Variants in UBE2D3 observed in about 807,000 individuals in gnomAD.
The protein encoded by UBE2D3 is ubiquitin conjugating enzyme E2 D3.
UBE2D3 carries 2 observed loss-of-function variants against 22.8 expected under a neutral mutation model. That is an observed-to-expected ratio of 0.09 (90% confidence interval 0.04 to 0.28). The LOEUF is 0.28. Among genes scored for constraint, UBE2D3 ranks in the 10% least tolerant of loss-of-function variants. The pLI is 1.00. For missense variants in UBE2D3, 27 were observed against 182.5 expected, an observed-to-expected ratio of 0.15 and a Z score of 4.91; for synonymous variants, 56 against 60.4, an observed-to-expected ratio of 0.93 and a Z score of 0.34.
At chr4:102,823,502 A>G (rs928332901) in intron 2 of UBE2D3, among the ~76,000 whole-genome samples, 5 of 152,228 alleles carry the variant, frequency 3.3e-5, no homozygotes, top group African/African-American at 1.2e-4. Context: ...AAAAACCCTT[A>G]CGAAAACTTA....
intron 1 of UBE2D3, among the ~76,000 whole-genome samples, chr4:102,866,246 A>G (rs1351884993): frequency 6.6e-6 from 1 of 152,234 alleles, no homozygotes; most frequent in Non-Finnish European, 1.5e-5. Context: ...CTGAATTTCA[A>G]GGCCTCCCAA....
chr4:102,859,758 A>T (rs996869470), intron 1 of UBE2D3, among the ~76,000 whole-genome samples: 7 of 150,984 alleles, frequency 4.6e-5, no homozygotes, highest in Non-Finnish European at 8.9e-5. Context: ...AAGTTCATTG[A>T]TTCTTCCTTC....
At chr4:102,804,281 G>C (rs1726670417) in intron 4 of UBE2D3, among the ~76,000 whole-genome samples, 1 of 152,076 alleles carries the variant, frequency 6.6e-6, no homozygotes, top group Admixed American at 6.5e-5. Flanking sequence ...TCCTGCTTCA[G>C]CTGCCTCAGT....
chr4:102,826,250 G>C (rs990315687), intron 2 of UBE2D3, among the ~76,000 whole-genome samples: 1 of 151,952 alleles, frequency 6.6e-6, no homozygotes, highest in Non-Finnish European at 1.5e-5. Context: ...CCCCTAATTT[G>C]CACCGATTCC....
chr4:102,845,819 T>A (rs1224943198), intron 1 of UBE2D3, among the ~76,000 whole-genome samples: 1 of 152,160 alleles, frequency 6.6e-6, no homozygotes, highest in Non-Finnish European at 1.5e-5. Flanking sequence ...TGAGACAGAG[T>A]CTTGCTCTGT....
chr4:102,848,012 C>T (rs1040593577), intron 1 of UBE2D3, among the ~76,000 whole-genome samples: 2 of 152,154 alleles, frequency 1.3e-5, no homozygotes, highest in Non-Finnish European at 2.9e-5. Flanking sequence ...GCCTACTGCT[C>T]AAGGTCATCG....
At chr4:102,799,331 G>T (rs1725755281) in intron 7 of UBE2D3, 76 bp downstream of exon 7, 3 of 1,105,278 alleles carry the variant, frequency 2.7e-6, no homozygotes, top group Non-Finnish European at 4.0e-6. Context: ...AAGTCTTCTT[G>T]GCACTGTCAC....
At chr4:102,840,470 A>G (rs1166808241) in intron 1 of UBE2D3, among the ~76,000 whole-genome samples, 1 of 152,268 alleles carries the variant, frequency 6.6e-6, no homozygotes, top group Non-Finnish European at 1.5e-5. Context: ...CAGGCACAGA[A>G]TGACAAATAT....
At chr4:102,860,161 T>C (rs945392509) in intron 1 of UBE2D3, among the ~76,000 whole-genome samples, 2 of 148,272 alleles carry the variant, frequency 1.3e-5, no homozygotes, top group South Asian at 2.1e-4. Flanking sequence ...TTTGATTGTT[T>C]AGTGGTTTCT....
chr4:102,825,633 T>C, intron 2 of UBE2D3: 2 of 1,172,594 alleles, frequency 1.7e-6, no homozygotes, highest in South Asian at 1.3e-5. Flanking sequence ...CTAGTTTTTT[T>C]TCAACTTAAA....
intron 1 of UBE2D3, among the ~76,000 whole-genome samples, chr4:102,836,375 G>C (rs1731403547): frequency 6.6e-6 from 1 of 151,990 alleles, no homozygotes; most frequent in African/African-American, 2.4e-5. Context: ...TCGAACTCCT[G>C]ACCTCAGGTG....
rs1725058142 is a variant in UBE2D3, at chr4:102,794,459, A to G, written c.*2956T>C. On this transcript the variant is annotated 3_prime_UTR_variant, in exon 8 of 8. Coordinates refer to ENST00000453744, the MANE Select transcript of UBE2D3 (RefSeq NM_181891.3). ...TTCAGCTATTACAAGTCTTATGCAG[A>G]TGTCACTATTAGACAATATTTAGTG... 2 of 152,142 alleles carry G rather than the reference A, an allele frequency of 1.3e-5. No individual in the cohort carries two copies. The highest frequency in any genetic ancestry group is 1.3e-4 in the Admixed American group (2 of 15,252). The allele number at this position is 152,142 out of a possible 1,614,324, so 9.4% of individuals were successfully genotyped here.
chr4:102,865,491 C>CAAA (rs10604973), intron 1 of UBE2D3, among the ~76,000 whole-genome samples: 3 of 66,730 alleles, frequency 4.5e-5, no homozygotes, highest in Admixed American at 1.5e-4. Flanking sequence ...CTGTCTCAAC[C>CAAA]AAAAAAAAAA....
At chr4:102,833,116 T>G (rs970646994) in intron 1 of UBE2D3, among the ~76,000 whole-genome samples, 1 of 150,216 alleles carries the variant, frequency 6.7e-6, no homozygotes, top group Non-Finnish European at 1.5e-5. Context: ...AACTAAAGTT[T>G]ACATAACATT....
chr4:102,831,154 G>A (rs1731095804), upstream of UBE2D3, among the ~76,000 whole-genome samples: 2 of 152,128 alleles, frequency 1.3e-5, no homozygotes, highest in South Asian at 4.1e-4. Context: ...TAATTAAATT[G>A]TAAATGCTAC....
At chr4:102,860,404 G>GGTGTGT (rs540255423) in intron 1 of UBE2D3, among the ~76,000 whole-genome samples, 24 of 122,840 alleles carry the variant, frequency 2.0e-4, no homozygotes, top group African/African-American at 7.4e-4. Flanking sequence ...ATGTTTTCCT[G>GGTGTGT]GTGTGTGTGT....
In UBE2D3 at chr4:102,794,814, G is replaced by C. The variant is rs565626020; in HGVS notation, c.*2601C>G. 5.7e-4 allele frequency: 86 copies of C among 151,996 alleles called. No individual in the cohort carries two copies. Among genetic ancestry groups the C allele is most frequent in the African/African-American group, 2.0e-3 (85 of 41,494 alleles). 9.4% of individuals were successfully genotyped at this position (151,996 alleles called of 1,614,324 possible). A position where few individuals can be genotyped will look rare whatever the true frequency, so the allele number is the denominator to read the frequency against. ...ATTATCACATTGCAAACTCGCCCAG[G>C]AAAAACAAACTGAGTCATTTAAAAT... On this transcript the variant is annotated 3_prime_UTR_variant, in exon 8 of 8. Coordinates refer to ENST00000453744, the MANE Select transcript of UBE2D3 (RefSeq NM_181891.3).
At chr4:102,850,711 A>G (rs1288586560) in intron 1 of UBE2D3, among the ~76,000 whole-genome samples, 1 of 152,228 alleles carries the variant, frequency 6.6e-6, no homozygotes, top group Non-Finnish European at 1.5e-5. Context: ...TATATTAAAT[A>G]TAAATATATA....
At chr4:102,803,664 TG>T (rs1178939459) in intron 4 of UBE2D3, among the ~76,000 whole-genome samples, 1 of 152,196 alleles carries the variant, frequency 6.6e-6, no homozygotes, top group Non-Finnish European at 1.5e-5. Flanking sequence ...TGCAATGAAA[TG>T]TTATAGGTAT....
Sources: gnomAD v4.1 joint callset for allele counts (sites outside exome capture counted in the v4.1 genomes callset) on GRCh38, gnomAD v4.1.1 for gene constraint, MANE v1.5 for transcripts, NCBI Gene and HGNC (gene_info 2026-07-23, HGNC 2026-07-21) for gene names.